The following ITGB4 variants were observed in gnomAD, a reference collection of about 807,000 sequenced individuals.
ITGB4 encodes the protein integrin subunit beta 4.
ITGB4 carries 159 observed loss-of-function variants against 207.6 expected under a neutral mutation model. The ratio of observed to expected loss-of-function variants is 0.77; its 90% CI spans 0.67 to 0.87. The LOEUF (loss-of-function observed/expected upper bound fraction) is 0.87. ITGB4 is among the 40% of genes least tolerant of loss of function. ITGB4 has a pLI of 0.00. For synonymous variants in ITGB4, 1,020 were observed against 1,062.7 expected (o/e 0.96, Z 0.78); for missense variants, 2,278 against 2,546.8 (o/e 0.89, Z 2.27).
Position 75,754,797 on chromosome 17 carries a change from A to G in ITGB4, c.4540A>G (p.Thr1514Ala). 4 of 1,613,712 alleles carry G rather than the reference A, an allele frequency of 2.5e-6. No homozygotes were observed. The highest frequency in any genetic ancestry group is 3.4e-6 in the Non-Finnish European group (4 of 1,179,914). The part of the protein sequence containing the change: ...TTLPRDYSTL[T>A]SVSSHDSRLT... ...ACTGCCCAGGGACTACTCCACCCTC[A>G]CCTCCGTCTCCTCCCACGGTGAGTG... Residue 1514 changes from threonine to alanine, a missense_variant, in exon 34 of 40, where the codon ACC (threonine) becomes GCC (alanine). Physicochemically the swap from Thr to Ala is moderately conservative, Grantham distance 58. Transcript: ENST00000200181.
At chr17:75,754,979 C>T in intron 34 of ITGB4, 164 bp downstream of exon 34, 1 of 1,536,742 alleles carries the variant, frequency 6.5e-7, no homozygotes, top group Non-Finnish European at 8.9e-7. Flanking sequence ...CACATGTACA[C>T]AGACATGCAT....
In ITGB4 at chr17:75,754,820, GT is replaced by G. The variant is rs2061450655; in HGVS notation, c.4558+6del. ...TCACCTCCGTCTCCTCCCACGGTGA[GT>G]GACCTCAGCCAACCCTGCCTCTCCC... On this transcript the variant is annotated splice_donor_region_variant and intron_variant, in intron 34 of 39. Coordinates refer to ENST00000200181, the MANE Select transcript of ITGB4 (RefSeq NM_000213.5). 1.5e-5 allele frequency: 25 copies of G among 1,613,910 alleles called. No individual in the cohort carries two copies. Among genetic ancestry groups the G allele is most frequent in the Non-Finnish European group, 2.0e-5 (24 of 1,180,028 alleles).
intron 34 of ITGB4, chr17:75,755,202 C>G (rs113971947): frequency 1.2e-6 from 2 of 1,604,352 alleles, no homozygotes; most frequent in East Asian, 4.5e-5. Flanking sequence ...GCAGCGCCCT[C>G]CTGGGGCCCA....
chr17:75,753,971 G>A lies in ITGB4; in HGVS notation c.4315G>A (p.Gly1439Arg). ...LPRSATPGPP[G>R]EHLVNGRMDF... ...CCGCAGTGCGACACCCGGGCCCCCC[G>A]GAGGTGACAGGCTCACCCGCCGCCC... The change falls in exon 33 of 40, where the codon GGA becomes AGA. Residue 1439 changes from glycine to arginine, a missense_variant. Gly to Arg is a moderately radical substitution (Grantham distance 125). Coordinates refer to ENST00000200181, the MANE Select transcript of ITGB4 (RefSeq NM_000213.5). 2 of 1,251,590 alleles carry A rather than the reference G, an allele frequency of 1.6e-6. No homozygotes were observed. Among genetic ancestry groups the A allele is most frequent in the African/African-American group, 3.1e-5 (2 of 63,994 alleles). The allele number at this position is 1,251,590 out of a possible 1,614,324, so 77.5% of individuals were successfully genotyped here. A position where few individuals can be genotyped will look rare whatever the true frequency, so the allele number is the denominator to read the frequency against.
At position 75,740,442 on chromosome 17, in the gene ITGB4, G is replaced by A. The variant is rs140819116; in HGVS notation, c.2531G>A (p.Arg844His). The A allele has an allele frequency of 1.9e-5, 30 of 1,613,580 alleles. No individual in the cohort carries two copies. The highest frequency in any genetic ancestry group is 6.7e-5 in the Admixed American group (4 of 60,000). ...GACACTCGGGAGTGCGCCCAGCTGC[G>A]CCAGGAGGTGGAGGAGAACGTAAGG... ...KPDTRECAQL[R>H]QEVEENLNEV... is the part of the protein sequence containing the mutation. Residue 844 changes from arginine (R) to histidine (H), a missense_variant, in exon 21 of 40, where the codon CGC (arginine) becomes CAC (histidine). Transcript: ENST00000200181. This position sits in a 1 kb window ranked among gnomAD's most constrained non-coding sequence, Gnocchi z 5.9.
chr17:75,742,568 G>A lies in ITGB4; in HGVS notation c.2783-14G>A, dbSNP rs755890641. ...CTGTGACCCACCTCTGACCACCTCC[G>A]AACCCCCACCCAGACGCCCGGGGCA... On this transcript the variant is annotated splice_polypyrimidine_tract_variant and intron_variant, in intron 24 of 39. Transcript: ENST00000200181. The surrounding 1 kb of genome is among the most constrained non-coding windows in gnomAD (Gnocchi z 5.9). 37 of 1,613,636 alleles carry A rather than the reference G, an allele frequency of 2.3e-5. No homozygotes were observed. In the Admixed American group the frequency reaches 3.2e-4, roughly 14 times the overall value.
In ITGB4 at chr17:75,753,019, C is replaced by G. The variant is rs113414158; in HGVS notation, c.4108+442C>G. ...TTCCCAGCACAAAGTGCTGCGGAGC[C>G]CTTAGCTGGGCCTCCTGAGTGCTCA... On this transcript the variant is annotated intron_variant, in intron 32 of 39. Coordinates refer to ENST00000200181, the MANE Select transcript of ITGB4 (RefSeq NM_000213.5). 7.4e-4 allele frequency among the ~76,000 whole-genome samples: 112 copies of G among 152,330 alleles called. 2 individuals carry two copies. Among genetic ancestry groups the G allele is most frequent in the African/African-American group, 2.5e-3 (103 of 41,564 alleles).
chr17:75,746,131 A>T (rs1246799128), intron 26 of ITGB4: 1 of 152,218 alleles, frequency 6.6e-6, no homozygotes, highest in Admixed American at 6.5e-5. Context: ...GGTGGAGTAC[A>T]GGGGCACAGT....
intron 13 of ITGB4, among the ~76,000 whole-genome samples, chr17:75,735,217 A>G (rs2060947058): frequency 1.3e-5 from 2 of 151,480 alleles, no homozygotes; most frequent in South Asian, 4.2e-4. Flanking sequence ...CCTCCCAAGA[A>G]GCTGGGATTA....
chr17:75,743,720 C>G lies in ITGB4; in HGVS notation c.2970C>G (p.Asp990Glu). ...NITIIKEQAR[D>E]VVSFEQPEFS... ...TGCCCGGGCTCCTTGCAGCCAGAGA[C>G]GTGGTGTCCTTTGAGCAGCCTGAGT... Residue 990 changes from aspartate to glutamate, a missense_variant, in exon 26 of 40, where the codon GAC becomes GAG. Coordinates refer to ENST00000200181, the MANE Select transcript of ITGB4 (RefSeq NM_000213.5). 6.2e-7 allele frequency: 1 copy of G among 1,613,492 alleles called. No homozygotes were observed. The highest frequency in any genetic ancestry group is 8.5e-7 in the Non-Finnish European group (1 of 1,180,008).
chr17:75,742,178 T>TATGGGG lies in ITGB4; in HGVS notation c.2634-162_2634-157dup, dbSNP rs2061125781. ...TGGGCTGAGGCTGCAGGGTAAAGGG[T>TATGGGG]ATGGGGCTGGCATAGGCCTGGAGCA... On this transcript the variant is annotated intron_variant, in intron 23 of 39. Transcript: ENST00000200181. The surrounding 1 kb of genome is among the most constrained non-coding windows in gnomAD (Gnocchi z 5.9). 6.6e-6 allele frequency among the ~76,000 whole-genome samples: 1 copy of TATGGGG among 152,082 alleles called. No individual in the cohort carries two copies. Among genetic ancestry groups the TATGGGG allele is most frequent in the Non-Finnish European group, 1.5e-5 (1 of 67,990 alleles).
chr17:75,749,240 A>C (rs1477644626), intron 27 of ITGB4, among the ~76,000 whole-genome samples, 195 bp downstream of exon 27: 2 of 151,442 alleles, frequency 1.3e-5, no homozygotes, highest in Admixed American at 6.6e-5. Context: ...TTTTTTTTGC[A>C]AAATGGGCTG....
At chr17:75,733,303 G>A (rs1372890946) in intron 12 of ITGB4, among the ~76,000 whole-genome samples, 187 bp from the exon 13 acceptor site, 5 of 147,440 alleles carry the variant, frequency 3.4e-5, no homozygotes, top group Admixed American at 1.3e-4. Flanking sequence ...GGAGAATGGC[G>A]TGAACCCAAG....
Position 75,750,676 on chromosome 17 carries a change from G to T in ITGB4, c.3475-4G>T. On this transcript the variant is annotated splice_polypyrimidine_tract_variant and splice_region_variant and intron_variant, in intron 28 of 39. Coordinates refer to ENST00000200181, the MANE Select transcript of ITGB4 (RefSeq NM_000213.5). The surrounding 1 kb of genome is among the most constrained non-coding windows in gnomAD (Gnocchi z 5.5). ...CTGACCAGGACCCCTGTCCCTGGGGGTAGGTAAAGTACTGGATTCAGGGTG... is the reference window on the plus strand; with the variant it reads ...CTGACCAGGACCCCTGTCCCTGGGGTTAGGTAAAGTACTGGATTCAGGGTG... The T allele has an allele frequency of 6.2e-7, 1 of 1,612,908 alleles. No individual in the cohort carries two copies. Among genetic ancestry groups the T allele is most frequent in the Non-Finnish European group, 8.5e-7 (1 of 1,179,918 alleles).
rs751249045 is a variant in ITGB4, at chr17:75,736,641, G to A, written c.1937G>A (p.Arg646His). The change falls in exon 16 of 40, where the codon CGC becomes CAC. Residue 646 changes from arginine (R) to histidine (H), a missense_variant. Physicochemically the swap from Arg to His is conservative, Grantham distance 29 (BLOSUM62 0). Transcript: ENST00000200181. ...TGGGGCACCGGCGAGAAGAAGGGGC[G>A]CACGTGTGAGGAATGCAACTTCAAG... ...QAWGTGEKKG[R>H]TCEECNFKVK... is the part of the protein sequence containing the mutation. 2.1e-5 allele frequency: 33 copies of A among 1,600,154 alleles called. No homozygotes were observed. Among genetic ancestry groups the A allele is most frequent in the Admixed American group, 5.3e-5 (3 of 56,728 alleles).
chr17:75,751,153 C>T (rs1313671974), intron 30 of ITGB4, 42 bp downstream of exon 30: 3 of 1,608,372 alleles, frequency 1.9e-6, no homozygotes, highest in Admixed American at 3.3e-5. Flanking sequence ...GGGAGAACAG[C>T]CATGGAAGGG....
rs774627196 is a variant in ITGB4 at position 75,736,696 on chromosome 17, TA to T, written c.1990+3del. 3 of 1,592,160 alleles carry T rather than the reference TA, an allele frequency of 1.9e-6. No homozygotes were observed. Among genetic ancestry groups the T allele is most frequent in the South Asian group, 2.3e-5 (2 of 87,194 alleles). ...AGATGGTGGACGAGCTTAAGAGAGG[TA>T]GGGGCAGGGGCTGAGGGTTGGGGTT... On this transcript the variant is annotated splice_donor_region_variant and intron_variant, in intron 16 of 39. Transcript: ENST00000200181.
At chr17:75,756,407 T>G (rs1399921013) in intron 35 of ITGB4, 22 bp from the exon 36 acceptor site, 1 of 1,612,700 alleles carries the variant, frequency 6.2e-7, no homozygotes, top group African/African-American at 1.3e-5. Flanking sequence ...CACTACTGTG[T>G]GCCCCCACCT....
rs1343916826 is a variant in ITGB4, at chr17:75,754,808, C to G, written c.4551C>G (p.Ser1517=). The change falls in exon 34 of 40, where the codon TCC becomes TCG. Residue 1517 remains serine (S), a synonymous_variant. Transcript: ENST00000200181. The stretch of plus-strand genomic sequence containing the variant: ...ACTACTCCACCCTCACCTCCGTCTC[C>G]TCCCACGGTGAGTGACCTCAGCCAA... ...PRDYSTLTSV[S]SHDSRLTAGV... is the part of the protein sequence containing the mutation. The G allele has an allele frequency of 6.2e-7, 1 of 1,614,092 alleles. No individual in the cohort carries two copies. The highest frequency in any genetic ancestry group is 2.2e-5 in the East Asian group (1 of 44,886).
Sources: allele counts gnomAD v4.1 joint callset (sites outside exome capture counted in the v4.1 genomes callset), GRCh38; gene constraint gnomAD v4.1.1; non-coding constraint Gnocchi (gnomAD v3.1); transcripts MANE v1.5; gene names NCBI Gene and HGNC (gene_info 2026-07-23, HGNC 2026-07-21).